Variants in SNX8 observed in about 807,000 individuals in gnomAD.
SNX8 encodes sorting nexin-8.
Under a neutral mutation model 51.6 loss-of-function variants are expected in SNX8, and 25 were observed. The ratio of observed to expected loss-of-function variants is 0.48; its 90% confidence interval spans 0.35 to 0.68. The LOEUF is 0.68. Among genes scored for constraint, SNX8 ranks in the 30% least tolerant of loss-of-function variants. The probability of loss-of-function intolerance (pLI) is 0.00; values close to 1 mark genes in which losing one functional copy is unlikely to be tolerated. For synonymous variants in SNX8, 324 were observed against 277.0 expected, an observed-to-expected ratio of 1.17 and a Z score of -1.68; for missense variants, 695 against 624.0, an observed-to-expected ratio of 1.11 and a Z score of -1.21.
intron 1 of SNX8, among the ~76,000 whole-genome samples, chr7:2,296,092 C>T (rs905291665): frequency 2.6e-5 from 4 of 152,090 alleles, no homozygotes; most frequent in Non-Finnish European, 4.4e-5. Flanking sequence ...ATTTTTGGAT[C>T]TTTTTCTAAT....
At chr7:2,343,995 T>G (rs889257087) in intron 1 of SNX8, among the ~76,000 whole-genome samples, 5 of 149,956 alleles carry the variant, frequency 3.3e-5, no homozygotes, top group Admixed American at 2.7e-4. Context: ...ATCCTGCCAT[T>G]TCACTGCAGC....
intron 1 of SNX8, among the ~76,000 whole-genome samples, chr7:2,340,856 CAAAAAAAAAAAA>C (rs71026503): frequency 3.1e-4 from 14 of 45,114 alleles, no homozygotes; most frequent in Admixed American, 1.1e-3. Flanking sequence ...GGCTGCTTCT[CAAAAAAAAAAAA>C]AAAAAAAAAA....
intron 1 of SNX8, among the ~76,000 whole-genome samples, chr7:2,303,391 C>A (rs975881312): frequency 6.6e-6 from 1 of 151,940 alleles, no homozygotes; most frequent in Non-Finnish European, 1.5e-5. Context: ...GCGCCTCTGC[C>A]CGGCCGCCCC....
chr7:2,269,538 A>AT, intron 5 of SNX8, 21 bp downstream of exon 5: 7 of 1,334,606 alleles, frequency 5.2e-6, no homozygotes, highest in Non-Finnish European at 7.1e-6. Flanking sequence ...AAAAAAAAAA[A>AT]GAAAAAAAAA....
chr7:2,254,760 TGA>T lies in SNX8; in HGVS notation c.*294_*295del. ...TCCCCCAGGCACAATCTCTGTGAGATGAGAGATCCCTGCCTCCCCGCACAGCT... is the reference window on the plus strand; with the variant it reads ...TCCCCCAGGCACAATCTCTGTGAGATGAGATCCCTGCCTCCCCGCACAGCT... On this transcript the variant is annotated 3_prime_UTR_variant, in exon 11 of 11. Coordinates refer to ENST00000222990, the MANE Select transcript of SNX8 (RefSeq NM_013321.4). 1 of 450,402 alleles carries T rather than the reference TGA, an allele frequency of 2.2e-6. No homozygotes were observed. Among genetic ancestry groups the T allele is most frequent in the Non-Finnish European group, 4.0e-6 (1 of 247,510 alleles). The allele number at this position is 450,402 out of a possible 1,614,324, so 27.9% of individuals were successfully genotyped here. A position where few individuals can be genotyped will look rare whatever the true frequency, so the allele number is the denominator to read the frequency against.
chr7:2,289,999 C>T (rs995934362), intron 1 of SNX8, among the ~76,000 whole-genome samples: 1 of 152,088 alleles, frequency 6.6e-6, no homozygotes, highest in Admixed American at 6.6e-5. Context: ...TCAGTACCAG[C>T]CTGGCCAACA....
intron 1 of SNX8, among the ~76,000 whole-genome samples, chr7:2,349,652 A>G (rs187582787): frequency 5.3e-4 from 80 of 152,070 alleles, no homozygotes; most frequent in Non-Finnish European, 9.6e-4. Context: ...GTCTAGGCTG[A>G]TGTTGAACTC....
At chr7:2,325,586 G>C (rs948463911) in intron 1 of SNX8, among the ~76,000 whole-genome samples, 1 of 152,092 alleles carries the variant, frequency 6.6e-6, no homozygotes, top group Non-Finnish European at 1.5e-5. Context: ...TCAGCACTTT[G>C]GGAGGCTGAG....
intron 1 of SNX8, among the ~76,000 whole-genome samples, chr7:2,296,167 G>A (rs1294049080): frequency 6.6e-6 from 1 of 152,172 alleles, no homozygotes; most frequent in East Asian, 1.9e-4. Flanking sequence ...GCTTTTGGCA[G>A]TGTGGTCATT....
At chr7:2,294,030 G>A (rs1158510481) in intron 1 of SNX8, among the ~76,000 whole-genome samples, 1 of 151,248 alleles carries the variant, frequency 6.6e-6, no homozygotes, top group Non-Finnish European at 1.5e-5. Flanking sequence ...TTGGGAGGCC[G>A]AGGTGGGTGG....
intron 1 of SNX8, among the ~76,000 whole-genome samples, chr7:2,351,920 T>A (rs1309268449): frequency 6.8e-6 from 1 of 147,400 alleles, no homozygotes; most frequent in African/African-American, 2.5e-5. Context: ...TTTTTTTTTT[T>A]TTTTTTGAGA....
At chr7:2,330,567 A>G (rs1000124580) in intron 1 of SNX8, among the ~76,000 whole-genome samples, 3 of 152,132 alleles carry the variant, frequency 2.0e-5, no homozygotes, top group African/African-American at 7.2e-5. Context: ...GTCAGTCAAA[A>G]GTTCGAGAGG....
At chr7:2,279,964 C>A (rs1218471569) in intron 1 of SNX8, among the ~76,000 whole-genome samples, 2 of 152,096 alleles carry the variant, frequency 1.3e-5, no homozygotes, top group Non-Finnish European at 2.9e-5. Flanking sequence ...AATAAACTAG[C>A]CATACGATCT....
chr7:2,270,814 G>T (rs374588611), intron 4 of SNX8, among the ~76,000 whole-genome samples: 27 of 152,238 alleles, frequency 1.8e-4, no homozygotes, highest in South Asian at 1.4e-3. Context: ...GGGAGAGGGG[G>T]TGTCTTCCTG....
chr7:2,308,944 T>C (rs758107050), intron 1 of SNX8, among the ~76,000 whole-genome samples: 18 of 151,886 alleles, frequency 1.2e-4, no homozygotes, highest in Admixed American at 3.9e-4. Context: ...CACTCGCCAT[T>C]ATGCCCAGCT....
chr7:2,302,927 G>A (rs563448650), intron 1 of SNX8, among the ~76,000 whole-genome samples: 2,573 of 151,468 alleles, frequency 0.017, 85 homozygotes, highest in African/African-American at 0.059. Flanking sequence ...TCTGAGAAGT[G>A]AGGAGCCTCT....
At chr7:2,352,936 TGAG>T (rs1408998163) in intron 1 of SNX8, among the ~76,000 whole-genome samples, 5 of 152,100 alleles carry the variant, frequency 3.3e-5, no homozygotes, top group Non-Finnish European at 7.4e-5. Flanking sequence ...GACAGCATGA[TGAG>T]GAGTAGTCAA....
intron 1 of SNX8, among the ~76,000 whole-genome samples, chr7:2,310,852 A>G (rs1285477702): frequency 2.6e-5 from 4 of 152,322 alleles, no homozygotes; most frequent in Non-Finnish European, 5.9e-5. Flanking sequence ...GCACACTTAT[A>G]TAAGGAAGTA....
chr7:2,316,573 GCATT>G (rs753801660), upstream of SNX8, among the ~76,000 whole-genome samples: 215 of 140,864 alleles, frequency 1.5e-3, no homozygotes, highest in Non-Finnish European at 2.1e-3. Context: ...ACTGCATCCT[GCATT>G]CATTCATTCA....
Sources: allele counts gnomAD v4.1 joint callset (sites outside exome capture counted in the v4.1 genomes callset), GRCh38; gene constraint gnomAD v4.1.1; transcripts MANE v1.5; gene names NCBI Gene and HGNC (gene_info 2026-07-23, HGNC 2026-07-21).